Variants in FHIT observed in about 807,000 individuals in gnomAD.
The protein encoded by FHIT is bis(5'-adenosyl)-triphosphatase.
Under a neutral mutation model 17.9 loss-of-function variants are expected in FHIT, and 19 were observed. The ratio of observed to expected loss-of-function variants is 1.06; its 90% CI spans 0.74 to 1.56. The LOEUF (loss-of-function observed/expected upper bound fraction) is 1.56, where lower values mean the gene tolerates loss of function less well. Ranked by LOEUF, FHIT falls within the 40% of genes most tolerant of loss-of-function variation. FHIT has a pLI of 0.00. For missense variants in FHIT, 248 were observed against 189.2 expected, an observed-to-expected ratio of 1.31 and a Z score of -1.82; for synonymous variants, 81 against 69.7, an observed-to-expected ratio of 1.16 and a Z score of -0.81.
chr3:60,718,021 T>C (rs770287158), intron 4 of FHIT, among the ~76,000 whole-genome samples: 24 of 152,240 alleles, frequency 1.6e-4, no homozygotes, highest in Non-Finnish European at 3.2e-4. Flanking sequence ...TAGTTTTCTG[T>C]TGTTATATTT....
At chr3:60,922,288 C>T (rs60063921) in intron 3 of FHIT, among the ~76,000 whole-genome samples, 6,879 of 152,262 alleles carry the variant, frequency 0.045, 341 homozygotes, top group East Asian at 0.21. Flanking sequence ...CTTCATCTCC[C>T]CATGCGGGCA....
At chr3:61,168,515 CAGTGAGGAAGACCCAAGTCA>C (rs1460577551) in intron 2 of FHIT, among the ~76,000 whole-genome samples, 1 of 152,180 alleles carries the variant, frequency 6.6e-6, no homozygotes, top group African/African-American at 2.4e-5. Flanking sequence ...CCCTGTGTCC[CAGTGAGGAAGACCCAAGTCA>C]ACCTTGTGAC....
intron 8 of FHIT, among the ~76,000 whole-genome samples, chr3:59,894,451 C>T (rs1180225784): frequency 6.6e-6 from 1 of 152,172 alleles, no homozygotes; most frequent in African/African-American, 2.4e-5. Context: ...GCCATTGTTG[C>T]TAATTGGCAT....
At chr3:61,215,964 C>T (rs2039661098) in intron 1 of FHIT, among the ~76,000 whole-genome samples, 1 of 139,750 alleles carries the variant, frequency 7.2e-6, no homozygotes, top group Non-Finnish European at 1.6e-5. Context: ...GAAACTGGAT[C>T]CCTTCCTTAC....
chr3:61,081,098 C>G (rs2035122951), intron 2 of FHIT, among the ~76,000 whole-genome samples: 1 of 152,144 alleles, frequency 6.6e-6, no homozygotes, highest in Non-Finnish European at 1.5e-5. Context: ...AGCAAATCTC[C>G]TAGTACTTGG....
At chr3:60,596,940 A>T (rs1169039284) in intron 4 of FHIT, among the ~76,000 whole-genome samples, 1 of 152,156 alleles carries the variant, frequency 6.6e-6, no homozygotes, top group African/African-American at 2.4e-5. Flanking sequence ...GTGAAAAAAA[A>T]TGTGCTTTGA....
intron 5 of FHIT, among the ~76,000 whole-genome samples, chr3:60,061,916 G>A (rs1045648870): frequency 6.6e-6 from 1 of 152,102 alleles, no homozygotes; most frequent in Non-Finnish European, 1.5e-5. Flanking sequence ...AAAAGAAAGA[G>A]AAATTGGCAA....
rs777889536 is a variant in FHIT, at chr3:60,271,862, T to C, written c.104-257710A>G. 5.6e-4 allele frequency among the ~76,000 whole-genome samples: 86 copies of C among 152,224 alleles called. 3 individuals are homozygous for C. Among genetic ancestry groups the C allele is most frequent in the Non-Finnish European group, 2.2e-4 (15 of 68,040 alleles). ...GCAGATAGTAGAGGCTCCATGCACT[T>C]CTGAATTGCTGACCATAATTGTTAA... is the stretch of plus-strand genomic sequence containing the variant. On this transcript the variant is annotated intron_variant, in intron 5 of 9. Transcript: ENST00000492590.
chr3:60,606,758 G>A (rs2038621106), intron 4 of FHIT, among the ~76,000 whole-genome samples: 1 of 152,124 alleles, frequency 6.6e-6, no homozygotes. Context: ...AGAGTGACAT[G>A]CCACTCACTC....
At chr3:59,997,089 A>G (rs1258524618) in intron 7 of FHIT, among the ~76,000 whole-genome samples, 1 of 152,132 alleles carries the variant, frequency 6.6e-6, no homozygotes, top group Non-Finnish European at 1.5e-5. Context: ...TAAGTACCGC[A>G]ATAAATACTT....
chr3:60,936,868 T>C (rs1346657111), intron 3 of FHIT, among the ~76,000 whole-genome samples: 1 of 152,242 alleles, frequency 6.6e-6, no homozygotes, highest in Non-Finnish European at 1.5e-5. Context: ...AAGGAAAGGT[T>C]ATTTTTCTTA....
At chr3:61,203,436 CA>C (rs960310286) in intron 1 of FHIT, among the ~76,000 whole-genome samples, 118 of 146,814 alleles carry the variant, frequency 8.0e-4, no homozygotes, top group African/African-American at 2.6e-3. Context: ...GAACATTTTT[CA>C]AAAAAAAAAT....
intron 3 of FHIT, among the ~76,000 whole-genome samples, chr3:60,947,596 C>T (rs1300086792): frequency 3.3e-5 from 5 of 152,144 alleles, no homozygotes; most frequent in African/African-American, 9.7e-5. Flanking sequence ...CTACAATTTG[C>T]GGCTTAACAA....
chr3:61,140,074 A>C (rs1036435130), intron 2 of FHIT, among the ~76,000 whole-genome samples: 5 of 152,012 alleles, frequency 3.3e-5, no homozygotes, highest in African/African-American at 1.2e-4. Flanking sequence ...CATAAAGGTC[A>C]AGAGCACTTT....
At chr3:61,206,368 G>C (rs543372216) in intron 1 of FHIT, among the ~76,000 whole-genome samples, 2 of 141,164 alleles carry the variant, frequency 1.4e-5, no homozygotes, top group South Asian at 2.5e-4. Context: ...GTCATTGGTA[G>C]CTTCATGGGG....
intron 4 of FHIT, among the ~76,000 whole-genome samples, chr3:60,808,145 A>G (rs191579198): frequency 1.6e-3 from 245 of 152,338 alleles, no homozygotes; most frequent in Non-Finnish European, 2.6e-3. Flanking sequence ...TGTAGCATGC[A>G]ATTTGCCTTG....
chr3:60,377,064 G>A (rs564032450), intron 5 of FHIT, among the ~76,000 whole-genome samples: 18 of 152,198 alleles, frequency 1.2e-4, no homozygotes, highest in African/African-American at 3.9e-4. Context: ...AGTATGCTAG[G>A]AAAGTTGAAA....
intron 5 of FHIT, among the ~76,000 whole-genome samples, chr3:60,124,316 G>C (rs1466669729): frequency 1.3e-5 from 2 of 151,772 alleles, no homozygotes. Context: ...ATTATGCTCA[G>C]AAAGGCTTAT....
At chr3:60,841,491 A>C (rs971917015) in intron 3 of FHIT, among the ~76,000 whole-genome samples, 5 of 152,250 alleles carry the variant, frequency 3.3e-5, no homozygotes, top group African/African-American at 1.2e-4. Context: ...ATCTTTTATC[A>C]TGAGCAATCC....
Sources: allele counts gnomAD v4.1 joint callset (sites outside exome capture counted in the v4.1 genomes callset), GRCh38; gene constraint gnomAD v4.1.1; transcripts MANE v1.5; gene names NCBI Gene and HGNC (gene_info 2026-07-23, HGNC 2026-07-21).